The following TRPC4 variants were observed in gnomAD, a reference collection of about 807,000 sequenced individuals.
TRPC4 encodes the protein short transient receptor potential channel 4.
TRPC4 carries 49 observed loss-of-function variants against 99.4 expected under a neutral mutation model. That is an observed-to-expected ratio of 0.49 (90% CI 0.39 to 0.63). The LOEUF is 0.63. Ranked by LOEUF, TRPC4 falls within the 20% of genes least tolerant of loss-of-function variation. The probability of loss-of-function intolerance (pLI) is 0.00; values close to 1 mark genes in which losing one functional copy is unlikely to be tolerated. For missense variants in TRPC4, 898 were observed against 1,152.9 expected (o/e 0.78, Z 3.20); for synonymous variants, 454 against 425.9 (o/e 1.07, Z -0.81).
chr13:37,845,610 A>T (rs988614160), intron 1 of TRPC4, among the ~76,000 whole-genome samples: 1 of 151,996 alleles, frequency 6.6e-6, no homozygotes, highest in Non-Finnish European at 1.5e-5. Flanking sequence ...CAGAGGAGCA[A>T]AAATAAATAA....
chr13:37,736,417 A>G (rs1955395319), intron 3 of TRPC4, among the ~76,000 whole-genome samples: 1 of 152,182 alleles, frequency 6.6e-6, no homozygotes, highest in African/African-American at 2.4e-5. Context: ...AGATTTCACA[A>G]TTCACATCGC....
chr13:37,817,991 T>A (rs940458669), intron 1 of TRPC4, among the ~76,000 whole-genome samples: 1 of 151,740 alleles, frequency 6.6e-6, no homozygotes, highest in African/African-American at 2.4e-5. Context: ...GATTTTATGA[T>A]GAAGATGTCA....
At chr13:37,742,517 A>G (rs1238022028) in intron 3 of TRPC4, among the ~76,000 whole-genome samples, 1 of 152,108 alleles carries the variant, frequency 6.6e-6, no homozygotes, top group African/African-American at 2.4e-5. Flanking sequence ...TAATAACACA[A>G]TGCAATATAG....
At chr13:37,754,413 C>A (rs533208782) in intron 2 of TRPC4, among the ~76,000 whole-genome samples, 6 of 152,204 alleles carry the variant, frequency 3.9e-5, no homozygotes, top group Non-Finnish European at 7.4e-5. Context: ...AAGGACATAA[C>A]CCTGCAGATG....
chr13:37,705,289 G>T (rs916916622), intron 3 of TRPC4, among the ~76,000 whole-genome samples: 4 of 152,074 alleles, frequency 2.6e-5, no homozygotes, highest in African/African-American at 7.2e-5. Context: ...GATTACCAGG[G>T]GCCGGATGGT....
chr13:37,716,297 G>A (rs1055613325), intron 3 of TRPC4, among the ~76,000 whole-genome samples: 5 of 152,254 alleles, frequency 3.3e-5, no homozygotes, highest in Admixed American at 2.6e-4. Context: ...TACAAGTAAG[G>A]AGACGAATAA....
At chr13:37,712,755 A>C (rs1420526534) in intron 3 of TRPC4, among the ~76,000 whole-genome samples, 1 of 152,152 alleles carries the variant, frequency 6.6e-6, no homozygotes, top group Non-Finnish European at 1.5e-5. Flanking sequence ...TGTCTAGAGA[A>C]GGGTGAGAGG....
chr13:37,849,169 A>G (rs951346033), intron 1 of TRPC4, among the ~76,000 whole-genome samples: 7 of 152,154 alleles, frequency 4.6e-5, no homozygotes, highest in Non-Finnish European at 1.0e-4. Context: ...GGTATCTCAG[A>G]GGTGAAATGT....
chr13:37,840,650 T>A (rs1958706416), intron 1 of TRPC4, among the ~76,000 whole-genome samples: 1 of 151,996 alleles, frequency 6.6e-6, no homozygotes, highest in African/African-American at 2.4e-5. Context: ...TATTATTATT[T>A]AAAAAGATTA....
intron 4 of TRPC4, among the ~76,000 whole-genome samples, chr13:37,675,304 T>C (rs1953008218): frequency 6.6e-6 from 1 of 152,278 alleles, no homozygotes; most frequent in Non-Finnish European, 1.5e-5. Context: ...TCAAGGAATC[T>C]AAACTTTAAA....
rs1593396587 is a variant in TRPC4, at chr13:37,634,460, G to C, written c.*2443C>G. ...GGGGTTGTTAGAATCATCCTTTCTA[G>C]GGCACTGAAAAGGAGGGTCTTACTT... On this transcript the variant is annotated 3_prime_UTR_variant, in exon 11 of 11. Transcript: ENST00000379705. Among the ~76,000 whole-genome samples the C allele has an allele frequency of 6.6e-6, 1 of 151,870 alleles. No homozygotes were observed. The highest frequency in any genetic ancestry group is 1.5e-5 in the Non-Finnish European group (1 of 67,930).
chr13:37,709,212 G>C (rs1954389580), intron 3 of TRPC4, among the ~76,000 whole-genome samples: 2 of 151,870 alleles, frequency 1.3e-5, no homozygotes, highest in African/African-American at 4.8e-5. Context: ...AATATGTTTT[G>C]AGTTGAGGAA....
chr13:37,729,973 G>A (rs758883281), intron 3 of TRPC4, among the ~76,000 whole-genome samples: 8 of 151,980 alleles, frequency 5.3e-5, no homozygotes, highest in Non-Finnish European at 1.2e-4. Flanking sequence ...GGTTAAGATA[G>A]TAAATTTTAT....
At chr13:37,748,924 T>C (rs770454738) in intron 2 of TRPC4, among the ~76,000 whole-genome samples, 9 of 152,236 alleles carry the variant, frequency 5.9e-5, no homozygotes, top group Non-Finnish European at 1.0e-4. Context: ...GGTCAATTGG[T>C]TGGTCAGTAA....
intron 1 of TRPC4, among the ~76,000 whole-genome samples, chr13:37,804,534 T>C (rs199560229): frequency 6.6e-6 from 1 of 152,084 alleles, no homozygotes. Flanking sequence ...TATAGAGAAA[T>C]AGTTTCAACT....
intron 1 of TRPC4, among the ~76,000 whole-genome samples, chr13:37,843,048 C>T (rs1486815200): frequency 6.6e-6 from 1 of 152,148 alleles, no homozygotes; most frequent in African/African-American, 2.4e-5. Flanking sequence ...GAAGATGTTC[C>T]AGACTTCAAA....
At chr13:37,790,492 G>A (rs1166901463) in intron 1 of TRPC4, among the ~76,000 whole-genome samples, 1 of 152,082 alleles carries the variant, frequency 6.6e-6, no homozygotes, top group Admixed American at 6.6e-5. Flanking sequence ...ACCACTATTT[G>A]CATATAAATA....
intron 3 of TRPC4, among the ~76,000 whole-genome samples, chr13:37,712,495 G>A (rs1040786530): frequency 7.2e-5 from 11 of 152,144 alleles, no homozygotes; most frequent in Non-Finnish European, 1.5e-4. Flanking sequence ...ATCAGTGAGC[G>A]ATCACTGGTG....
rs1956896187 is a variant in TRPC4, at chr13:37,783,473, T to C, written c.-27-113A>G. ...TCAATAACAACAATACCATTATTAG[T>C]AACTATTAAGAGTTAAGGTTTTTTT... is the stretch of plus-strand genomic sequence containing the variant. On this transcript the variant is annotated intron_variant, in intron 1 of 10. Coordinates refer to ENST00000379705, the MANE Select transcript of TRPC4 (RefSeq NM_016179.4). The C allele has an allele frequency of 5.3e-6, 4 of 758,518 alleles. No homozygotes were observed. The East Asian group carries it at 1.2e-4, about 22-fold the overall frequency. 47.0% of individuals were successfully genotyped at this position (758,518 alleles called of 1,614,324 possible).
Sources: gnomAD v4.1 joint callset for allele counts (sites outside exome capture counted in the v4.1 genomes callset) on GRCh38, gnomAD v4.1.1 for gene constraint, MANE v1.5 for transcripts, NCBI Gene and HGNC (gene_info 2026-07-23, HGNC 2026-07-21) for gene names.